The following MACIR variants were observed in gnomAD, a reference collection of about 807,000 sequenced individuals.
The protein encoded by MACIR is macrophage immunometabolism regulator, also known as UNC119-binding protein C5orf30.
A neutral mutation model predicts 14.3 loss-of-function variants in MACIR; 4 were observed. The observed-to-expected ratio is 0.28, with a 90% confidence interval of 0.14 to 0.64. The LOEUF (loss-of-function observed/expected upper bound fraction) is 0.64, where lower values mean the gene tolerates loss of function less well. Among genes scored for constraint, MACIR ranks in the 30% least tolerant of loss-of-function variants. MACIR has a pLI of 0.83. For synonymous variants in MACIR, 101 were observed against 102.4 expected (o/e 0.99, Z 0.08); for missense variants, 228 against 257.6 (o/e 0.89, Z 0.79).
chr5:103,277,440 A>AATAT lies in MACIR; in HGVS notation c.*903_*904insTATA, dbSNP rs1805378521. Reference sequence around the variant, plus strand: ...GCATCTGAATTTTCTGTAAGTGAATAATAGTTTAATAGAGGAACTCATGAT... The same window carrying AATAT: ...GCATCTGAATTTTCTGTAAGTGAATAATATATAGTTTAATAGAGGAACTCATGAT... On this transcript the variant is annotated 3_prime_UTR_variant, in exon 3 of 3. Coordinates refer to ENST00000319933, the MANE Select transcript of MACIR (RefSeq NM_033211.4). The AATAT allele has an allele frequency of 6.0e-6, 1 of 167,066 alleles. No individual in the cohort carries two copies. Among genetic ancestry groups the AATAT allele is most frequent in the South Asian group, 2.1e-4 (1 of 4,836 alleles). 10.3% of individuals were successfully genotyped at this position (167,066 alleles called of 1,614,324 possible).
chr5:103,273,882 G>A (rs2149933189), intron 2 of MACIR, among the ~76,000 whole-genome samples: 1 of 152,282 alleles, frequency 6.6e-6, no homozygotes, highest in South Asian at 2.1e-4. Context: ...GTCATGGAGT[G>A]CCAGATTTGA....
rs992158619 is a variant in MACIR, at chr5:103,278,518, A to G, written c.*1978A>G. The G allele has an allele frequency of 3.6e-5, 6 of 167,048 alleles. No individual in the cohort carries two copies. Among genetic ancestry groups the G allele is most frequent in the African/African-American group, 1.4e-4 (6 of 41,436 alleles). 10.3% of individuals were successfully genotyped at this position (167,048 alleles called of 1,614,324 possible). A position where few individuals can be genotyped will look rare whatever the true frequency, so the allele number is the denominator to read the frequency against. On this transcript the variant is annotated 3_prime_UTR_variant, in exon 3 of 3. Transcript: ENST00000319933. ...ATCAAACCATTTACTTTTGATGCTCATTGGCATTTTATGATAAAAGATGTA... is the reference window on the plus strand; with the variant it reads ...ATCAAACCATTTACTTTTGATGCTCGTTGGCATTTTATGATAAAAGATGTA...
At chr5:103,273,704 ACT>A (rs1554237349) in intron 2 of MACIR, among the ~76,000 whole-genome samples, 1 of 151,810 alleles carries the variant, frequency 6.6e-6, no homozygotes. Context: ...TTATTAACTT[ACT>A]TAGCAAATTT....
Position 103,276,057 on chromosome 5 carries a change from G to T in MACIR, c.138G>T (p.Arg46Ser). Residue 46 changes from arginine to serine, a missense_variant, in exon 3 of 3, where the codon AGG becomes AGT. By Grantham distance (110) the Arg-to-Ser change is moderately radical (BLOSUM62 -1). Transcript: ENST00000319933. ...CSSTPCSPMR[R>S]TVSGYQILHM... ...GCACACCCTGCTCCCCGATGCGGAG[G>T]ACCGTGTCAGGCTACCAGATCCTAC... 1.9e-6 allele frequency: 3 copies of T among 1,614,030 alleles called. No individual in the cohort carries two copies. The highest frequency in any genetic ancestry group is 2.5e-6 in the Non-Finnish European group (3 of 1,180,022).
Position 103,276,722 on chromosome 5 carries a change from G to T in MACIR, c.*182G>T. The T allele has an allele frequency of 3.9e-6, 2 of 513,850 alleles. No homozygotes were observed. The highest frequency in any genetic ancestry group is 6.8e-6 in the Non-Finnish European group (2 of 292,428). The allele number at this position is 513,850 out of a possible 1,614,324, so 31.8% of individuals were successfully genotyped here. ...GGAATGAAATCACAGGTACTTGGGG[G>T]GGGGATATCATTCTAGAGCACGCAA... On this transcript the variant is annotated 3_prime_UTR_variant, in exon 3 of 3. Transcript: ENST00000319933.
chr5:103,276,371 G>T lies in MACIR; in HGVS notation c.452G>T (p.Gly151Val). 1 of 1,613,540 alleles carries T rather than the reference G, an allele frequency of 6.2e-7. No homozygotes were observed. Among genetic ancestry groups the T allele is most frequent in the Middle Eastern group, 1.6e-4 (1 of 6,062 alleles). Residue 151 changes from glycine to valine, a missense_variant, in exon 3 of 3, where the codon GGG becomes GTG. Physicochemically the swap from Gly to Val is moderately radical, Grantham distance 109 (BLOSUM62 -3). Transcript: ENST00000319933. ...TATGAACCTTACAAGGCCCTCCATG[G>T]GCCTCTGCCTCTTTGTCTTCTTAAA... ...LPYEPYKALH[G>V]PLPLCLLKGK...
At chr5:103,262,230 G>C (rs1804754769) in intron 1 of MACIR, among the ~76,000 whole-genome samples, 1 of 152,052 alleles carries the variant, frequency 6.6e-6, no homozygotes, top group South Asian at 2.1e-4. Context: ...GCATAGTGTG[G>C]GGATATATAA....
At chr5:103,259,971 C>G (rs564154394) in intron 1 of MACIR, among the ~76,000 whole-genome samples, 12 of 151,146 alleles carry the variant, frequency 7.9e-5, no homozygotes, top group African/African-American at 2.9e-4. Flanking sequence ...GTGTTCCACA[C>G]GCTTAGGGAC....
At chr5:103,266,883 C>T (rs1186901423) in intron 2 of MACIR, among the ~76,000 whole-genome samples, 1 of 152,106 alleles carries the variant, frequency 6.6e-6, no homozygotes, top group Non-Finnish European at 1.5e-5. Flanking sequence ...AAACCTATTA[C>T]ATTTATGAAA....
At chr5:103,273,024 C>T (rs537537716) in intron 2 of MACIR, among the ~76,000 whole-genome samples, 8 of 152,274 alleles carry the variant, frequency 5.3e-5, no homozygotes, top group Non-Finnish European at 7.4e-5. Flanking sequence ...CATGTTCCTG[C>T]GCCTTGAGAC....
At position 103,278,405 on chromosome 5, in the gene MACIR, T is replaced by C. The variant is rs17155194; in HGVS notation, c.*1865T>C. 0.047 allele frequency: 7,915 copies of C among 167,206 alleles called. 505 individuals carry two copies. The highest frequency in any genetic ancestry group is 0.16 in the African/African-American group (6,799 of 41,554). 10.4% of individuals were successfully genotyped at this position (167,206 alleles called of 1,614,324 possible). On this transcript the variant is annotated 3_prime_UTR_variant, in exon 3 of 3. Coordinates refer to ENST00000319933, the MANE Select transcript of MACIR (RefSeq NM_033211.4). ...GTGTGGTGCTTTAAACTAGGTCCAC[T>C]ATCAACAGGCTACTTACTGTTCAAG... is the stretch of plus-strand genomic sequence containing the variant.
Position 103,277,418 on chromosome 5 carries a change from T to C in MACIR, c.*878T>C, listed in dbSNP as rs1554237895. The C allele has an allele frequency of 6.0e-6, 1 of 167,072 alleles. No individual in the cohort carries two copies. Among genetic ancestry groups the C allele is most frequent in the South Asian group, 2.1e-4 (1 of 4,834 alleles). 10.3% of individuals were successfully genotyped at this position (167,072 alleles called of 1,614,324 possible). ...GATTATAGGCATAATACTGTTTGCA[T>C]CTGAATTTTCTGTAAGTGAATAATA... On this transcript the variant is annotated 3_prime_UTR_variant, in exon 3 of 3. Transcript: ENST00000319933.
At chr5:103,261,682 C>CTTTTCTTTCTTTCTTTCTTTCT (rs1469674229) in intron 1 of MACIR, among the ~76,000 whole-genome samples, 1 of 123,612 alleles carries the variant, frequency 8.1e-6, no homozygotes, top group Non-Finnish European at 1.7e-5. Context: ...TTCTTTCTTT[C>CTTTTCTTTCTTTCTTTCTTTCT]TTTCTTTCTT....
chr5:103,265,011 G>T (rs773836698), intron 1 of MACIR, among the ~76,000 whole-genome samples: 65 of 152,012 alleles, frequency 4.3e-4, no homozygotes, highest in Non-Finnish European at 8.7e-4. Flanking sequence ...AACAACCAAA[G>T]AAACTTTTAC....
intron 2 of MACIR, among the ~76,000 whole-genome samples, chr5:103,273,370 T>G (rs372840054): frequency 6.6e-6 from 1 of 152,166 alleles, no homozygotes; most frequent in Non-Finnish European, 1.5e-5. Flanking sequence ...TATGGTGTTA[T>G]TGGCTGTTGG....
At chr5:103,265,195 T>A (rs1804878877) in intron 1 of MACIR, among the ~76,000 whole-genome samples, 1 of 152,108 alleles carries the variant, frequency 6.6e-6, no homozygotes, top group South Asian at 2.1e-4. Flanking sequence ...AAAAAGTGCT[T>A]TTTCAGTCAC....
chr5:103,260,094 A>C lies in MACIR; in HGVS notation c.-114+1198A>C, dbSNP rs116482574. On this transcript the variant is annotated intron_variant, in intron 1 of 2. Transcript: ENST00000319933. ...GTGTGTGTTTGTGTGTGTGTGGTGC[A>C]CAGGTAAAGCTGGAGCTGGGAACTT... Among the ~76,000 whole-genome samples the C allele has an allele frequency of 5.5e-3, 827 of 151,188 alleles. 13 individuals are homozygous for C. The highest frequency in any genetic ancestry group is 0.019 in the African/African-American group (791 of 41,250).
At chr5:103,258,532 C>A (rs782460403), upstream of MACIR, among the ~76,000 whole-genome samples, 7 of 152,192 alleles carry the variant, frequency 4.6e-5, no homozygotes, top group Non-Finnish European at 7.3e-5. Context: ...CAACCCCGCC[C>A]ACCCCCGCCA....
intron 2 of MACIR, among the ~76,000 whole-genome samples, chr5:103,274,153 A>C (rs1170953731): frequency 6.6e-6 from 1 of 152,160 alleles, no homozygotes; most frequent in Non-Finnish European, 1.5e-5. Context: ...CTGGGTTACA[A>C]AATTAGTGAG....
Sources: allele counts gnomAD v4.1 joint callset (sites outside exome capture counted in the v4.1 genomes callset), GRCh38; gene constraint gnomAD v4.1.1; transcripts MANE v1.5; gene names NCBI Gene and HGNC (gene_info 2026-07-23, HGNC 2026-07-21).